LIG4: variants seen among roughly 807,000 people sequenced by gnomAD.
LIG4 encodes the protein DNA ligase 4.
LIG4 carries 13 observed loss-of-function variants against 19.0 expected under a neutral mutation model. That is an observed-to-expected ratio of 0.68 (90% CI 0.44 to 1.09). The LOEUF (loss-of-function observed/expected upper bound fraction) is 1.09, where lower values mean the gene tolerates loss of function less well. LIG4 is among the 50% of genes least tolerant of loss of function. LIG4 has a pLI of 0.00. For missense variants in LIG4, 1,026 were observed against 1,089.7 expected, an observed-to-expected ratio of 0.94 and a Z score of 0.82; for synonymous variants, 361 against 358.2, an observed-to-expected ratio of 1.01 and a Z score of -0.09.
In LIG4 at chr13:108,210,453, G is replaced by C; in HGVS notation, c.816C>G (p.Thr272=). The change falls in exon 3 of 3, where the codon ACC becomes ACG. Residue 272 remains threonine, a synonymous_variant. Transcript: ENST00000442234. ...DMKHQSFYIE[T]KLDGERMQMH... ...TTTGCATACGTTCACCATCTAGCTT[G>C]GTTTCTATGTAGAAACTCTGATGTT... The C allele has an allele frequency of 3.7e-6, 6 of 1,613,150 alleles. No homozygotes were observed. The highest frequency in any genetic ancestry group is 5.1e-6 in the Non-Finnish European group (6 of 1,179,794).
chr13:108,210,327 G>T lies in LIG4; in HGVS notation c.942C>A (p.Phe314Leu). 2 of 1,613,866 alleles carry T rather than the reference G, an allele frequency of 1.2e-6. No homozygotes were observed. The highest frequency in any genetic ancestry group is 1.1e-5 in the South Asian group (1 of 91,072). Residue 314 changes from phenylalanine to leucine, a missense_variant, in exon 3 of 3, where the codon TTC (phenylalanine) becomes TTA (leucine). By Grantham distance (22) the Phe-to-Leu change is conservative. This residue lies in a region of LIG4 where 493 missense variants were observed against 544.5 expected (regional missense o/e 0.91). Transcript: ENST00000442234. ...TATCTGCTTTGAATGCATTATGAAT[G>T]AATGGGGTAAGAGAACCTTCAGTAG... ...ASPTEGSLTP[F>L]IHNAFKADIQ...
chr13:108,217,429 G>A (rs2139002939), upstream of LIG4, among the ~76,000 whole-genome samples: 1 of 152,374 alleles, frequency 6.6e-6, no homozygotes, highest in South Asian at 2.1e-4. Context: ...TGAGGCAGGA[G>A]AATCGCTTGA....
At chr13:108,212,193 GA>G (rs199746129) in intron 2 of LIG4, among the ~76,000 whole-genome samples, 1,841 of 142,470 alleles carry the variant, frequency 0.013, 31 homozygotes, top group African/African-American at 0.045. Flanking sequence ...AAAAAAAAAA[GA>G]AAAAAAAGAA....
upstream of LIG4, among the ~76,000 whole-genome samples, chr13:108,216,510 G>A (rs1879300594): frequency 6.6e-6 from 1 of 152,144 alleles, no homozygotes; most frequent in African/African-American, 2.4e-5. Flanking sequence ...TGTAGCGGAG[G>A]TTCCGTCTAG....
Position 108,208,047 on chromosome 13 carries a change from T to C in LIG4, c.*486A>G, listed in dbSNP as rs543340651. 81 of 153,182 alleles carry C rather than the reference T, an allele frequency of 5.3e-4. 1 individual carries two copies. In the Middle Eastern group the frequency reaches 0.024, roughly 45 times the overall value. The allele number at this position is 153,182 out of a possible 1,614,324, so 9.5% of individuals were successfully genotyped here. A position where few individuals can be genotyped will look rare whatever the true frequency, so the allele number is the denominator to read the frequency against. On this transcript the variant is annotated 3_prime_UTR_variant, in exon 3 of 3. Coordinates refer to ENST00000442234, the MANE Select transcript of LIG4 (RefSeq NM_206937.2). ...TACATTTCATATTTAAATGGGACAT[T>C]TTAAACCCTGAGTAAAAAGACATAT... is the stretch of plus-strand genomic sequence containing the variant.
chr13:108,209,684 A>G lies in LIG4; in HGVS notation c.1585T>C (p.Phe529Leu). 3.1e-6 allele frequency: 5 copies of G among 1,614,128 alleles called. No homozygotes were observed. Among genetic ancestry groups the G allele is most frequent in the Non-Finnish European group, 4.2e-6 (5 of 1,180,010 alleles). The change falls in exon 3 of 3, where the codon TTT (phenylalanine) becomes CTT (leucine). Residue 529 changes from phenylalanine (F) to leucine (L), a missense_variant. Phe to Leu is a conservative substitution (Grantham distance 22, BLOSUM62 0). Transcript: ENST00000442234. ...CTGCTTGGTGGAGCTTTTCTATGAA[A>G]AGGCTTCCAATACTTGGCCAATTTC... The part of the protein sequence containing the change: ...GLKLAKYWKP[F>L]HRKAPPSSIL...
chr13:108,214,897 G>GC (rs1402613983), intron 1 of LIG4: 1 of 36,002 alleles, frequency 2.8e-5, no homozygotes, highest in East Asian at 1.1e-3. Flanking sequence ...CAGGCCCCCC[G>GC]CCTGACGTCC....
At chr13:108,216,318 G>C (rs534050292), upstream of LIG4, among the ~76,000 whole-genome samples, 1 of 152,286 alleles carries the variant, frequency 6.6e-6, no homozygotes, top group South Asian at 2.1e-4. Flanking sequence ...TATTCATAAA[G>C]AGGGGTGGAA....
At chr13:108,218,118 C>T (rs1397209523), upstream of LIG4, 5 of 152,222 alleles carry the variant, frequency 3.3e-5, no homozygotes, top group Non-Finnish European at 7.3e-5. Context: ...CTCATTGCGA[C>T]ACCCTTAACA....
At chr13:108,217,964 A>G (rs566410427), upstream of LIG4, among the ~76,000 whole-genome samples, 1 of 152,304 alleles carries the variant, frequency 6.6e-6, no homozygotes, top group South Asian at 2.1e-4. Flanking sequence ...CAAAAATAAG[A>G]CAATTTTACA....
rs1409567551 is a variant in LIG4, at chr13:108,209,570, T to C, written c.1699A>G (p.Ser567Gly). The C allele has an allele frequency of 6.2e-7, 1 of 1,614,142 alleles. No individual in the cohort carries two copies. Among genetic ancestry groups the C allele is most frequent in the East Asian group, 2.2e-5 (1 of 44,864 alleles). Residue 567 changes from serine to glycine, a missense_variant, in exon 3 of 3, where the codon AGT becomes GGT. Ser to Gly is a moderately conservative substitution (Grantham distance 56). Transcript: ENST00000442234. ...VQIKAAEIVP[S>G]DMYKTGCTLR... is the part of the protein sequence containing the mutation. Reference sequence around the variant, plus strand: ...GTGCAGCCAGTTTTATACATATCACTGGGTACGATCTCTGCTGCTTTAATC... The same window carrying C: ...GTGCAGCCAGTTTTATACATATCACCGGGTACGATCTCTGCTGCTTTAATC...
chr13:108,210,140 G>A lies in LIG4; in HGVS notation c.1129C>T (p.Leu377=). ...CTCTTTCTCAGAGTCTCATGCCCTA[G>A]CTTTTTATTATTAACCATCAATACA... The part of the protein sequence containing the change: ...FDVLMVNNKK[L]GHETLRKRYE... Residue 377 remains leucine, a synonymous_variant, in exon 3 of 3, where the codon CTA becomes TTA. Transcript: ENST00000442234. The A allele has an allele frequency of 6.2e-7, 1 of 1,613,628 alleles. No individual in the cohort carries two copies. Among genetic ancestry groups the A allele is most frequent in the Non-Finnish European group, 8.5e-7 (1 of 1,179,926 alleles).
chr13:108,209,919 A>C lies in LIG4; in HGVS notation c.1350T>G (p.Ile450Met). 1.2e-6 allele frequency: 2 copies of C among 1,614,140 alleles called. No individual in the cohort carries two copies. The highest frequency in any genetic ancestry group is 8.5e-7 in the Non-Finnish European group (1 of 1,180,026). ...PDKRGEGWLK[I>M]KPEYVSGLMD... ...TTAGTCCACTGACATACTCTGGTTT[A>C]ATTTTTAACCACCCTTCACCTCTTT... is the stretch of plus-strand genomic sequence containing the variant. Residue 450 changes from isoleucine (I) to methionine (M), a missense_variant, in exon 3 of 3, where the codon ATT (isoleucine) becomes ATG (methionine). Ile to Met is a conservative substitution (Grantham distance 10, BLOSUM62 1). Transcript: ENST00000442234.
chr13:108,216,266 T>C (rs372934434), upstream of LIG4, among the ~76,000 whole-genome samples: 10 of 152,234 alleles, frequency 6.6e-5, no homozygotes, highest in African/African-American at 2.4e-4. Context: ...CACCGAATTT[T>C]TGCTGTGGTC....
At chr13:108,213,100 T>TC (rs3093749) in intron 2 of LIG4, among the ~76,000 whole-genome samples, 95 of 152,180 alleles carry the variant, frequency 6.2e-4, no homozygotes, top group Non-Finnish European at 1.2e-3. Context: ...GTGGGTTAGA[T>TC]CGAGGGATAA....
At chr13:108,217,789 G>C (rs1202152437), upstream of LIG4, among the ~76,000 whole-genome samples, 4 of 152,048 alleles carry the variant, frequency 2.6e-5, no homozygotes, top group Non-Finnish European at 5.9e-5. Context: ...CAAGGGAGGG[G>C]AGGCACACAT....
chr13:108,212,891 G>T (rs1163845186), intron 2 of LIG4, among the ~76,000 whole-genome samples: 1 of 151,956 alleles, frequency 6.6e-6, no homozygotes, highest in Non-Finnish European at 1.5e-5. Flanking sequence ...AGCACACTAG[G>T]GAAAGCTATG....
chr13:108,212,984 T>C (rs1051715605), intron 2 of LIG4, among the ~76,000 whole-genome samples: 1 of 152,086 alleles, frequency 6.6e-6, no homozygotes, highest in Non-Finnish European at 1.5e-5. Flanking sequence ...ATTCAGTAGC[T>C]CTGACTGCCC....
rs3093763 is a variant in LIG4 at position 108,211,085 on chromosome 13, C to G, written c.184G>C (p.Asp62His). 1 of 1,607,816 alleles carries G rather than the reference C, an allele frequency of 6.2e-7. No homozygotes were observed. The highest frequency in any genetic ancestry group is 8.5e-7 in the Non-Finnish European group (1 of 1,176,312). ...AGTCTCATTGCTGGATAAAAAGAGT[C>G]TGTGACATCTTTGTGGTTCTTATGA... ...ALHKNHKDVTDSFYPAMRLIL... is the reference protein window; with the variant it reads ...ALHKNHKDVTHSFYPAMRLIL... Residue 62 changes from aspartate (D) to histidine (H), a missense_variant, in exon 3 of 3, where the codon GAC becomes CAC. By Grantham distance (81) the Asp-to-His change is moderately conservative. Coordinates refer to ENST00000442234, the MANE Select transcript of LIG4 (RefSeq NM_206937.2).
Sources: allele counts gnomAD v4.1 joint callset (sites outside exome capture counted in the v4.1 genomes callset), GRCh38; gene constraint gnomAD v4.1.1; regional missense constraint gnomAD v4.1.1; transcripts MANE v1.5; gene names NCBI Gene and HGNC (gene_info 2026-07-23, HGNC 2026-07-21).